Variants in FHIT observed in about 807,000 individuals in gnomAD.
FHIT encodes the protein bis(5'-adenosyl)-triphosphatase.
Under a neutral mutation model 17.9 loss-of-function variants are expected in FHIT, and 19 were observed. The ratio of observed to expected loss-of-function variants is 1.06; its 90% CI spans 0.74 to 1.56. The LOEUF (loss-of-function observed/expected upper bound fraction) is 1.56, where lower values mean the gene tolerates loss of function less well. FHIT is among the 40% of genes most tolerant of loss of function. The pLI is 0.00. For missense variants in FHIT, 248 were observed against 189.2 expected, an observed-to-expected ratio of 1.31 and a Z score of -1.82; for synonymous variants, 81 against 69.7, an observed-to-expected ratio of 1.16 and a Z score of -0.81.
intron 3 of FHIT, among the ~76,000 whole-genome samples, chr3:60,930,523 A>T (rs1707892429): frequency 6.6e-6 from 1 of 152,200 alleles, no homozygotes; most frequent in South Asian, 2.1e-4. Context: ...TTACAAGAAA[A>T]AACAAACAAC....
intron 7 of FHIT, among the ~76,000 whole-genome samples, chr3:59,981,761 C>T (rs796926990): frequency 4.6e-5 from 7 of 152,152 alleles, no homozygotes; most frequent in African/African-American, 1.7e-4. Context: ...TGAAATGAGG[C>T]AAATATGCCA....
intron 5 of FHIT, among the ~76,000 whole-genome samples, chr3:60,348,443 GTT>G (rs150527722): frequency 6.7e-6 from 1 of 150,202 alleles, no homozygotes; most frequent in Admixed American, 6.6e-5. Context: ...TTATTTTTGG[GTT>G]TTTTTTTCAC....
At chr3:60,563,343 G>C (rs1035229461) in intron 4 of FHIT, among the ~76,000 whole-genome samples, 1 of 152,188 alleles carries the variant, frequency 6.6e-6, no homozygotes, top group African/African-American at 2.4e-5. Flanking sequence ...TCATTTCACT[G>C]CATTTTGCTT....
intron 8 of FHIT, among the ~76,000 whole-genome samples, chr3:59,911,508 G>T (rs1211037209): frequency 6.6e-6 from 1 of 152,174 alleles, no homozygotes; most frequent in Non-Finnish European, 1.5e-5. Flanking sequence ...GGAGATTCCA[G>T]AAACGGGTAC....
intron 5 of FHIT, among the ~76,000 whole-genome samples, chr3:60,124,186 G>A (rs1705434304): frequency 6.6e-6 from 1 of 150,510 alleles, no homozygotes; most frequent in Non-Finnish European, 1.5e-5. Flanking sequence ...CTAAAGCACT[G>A]GGATTACAGG....
At chr3:60,511,094 T>C (rs2034935013) in intron 5 of FHIT, among the ~76,000 whole-genome samples, 1 of 152,162 alleles carries the variant, frequency 6.6e-6, no homozygotes, top group African/African-American at 2.4e-5. Context: ...ATCATCAGAA[T>C]GCCTAGGTGT....
At chr3:60,885,957 CT>C (rs1705203544) in intron 3 of FHIT, among the ~76,000 whole-genome samples, 1 of 85,728 alleles carries the variant, frequency 1.2e-5, no homozygotes, top group African/African-American at 6.6e-5. Flanking sequence ...TTATTTCCCC[CT>C]CTCCCAAATA....
chr3:60,240,348 A>C (rs759241154), intron 5 of FHIT, among the ~76,000 whole-genome samples: 1 of 152,240 alleles, frequency 6.6e-6, no homozygotes, highest in Non-Finnish European at 1.5e-5. Context: ...ATTAAGCTAC[A>C]GCTTGCAATT....
intron 5 of FHIT, among the ~76,000 whole-genome samples, chr3:60,505,645 T>C (rs987926281): frequency 1.4e-4 from 22 of 152,288 alleles, no homozygotes; most frequent in African/African-American, 5.1e-4. Flanking sequence ...AATCAGACTA[T>C]GAATTGGGAA....
At chr3:59,979,634 T>C (rs1387240709) in intron 7 of FHIT, among the ~76,000 whole-genome samples, 1 of 152,132 alleles carries the variant, frequency 6.6e-6, no homozygotes, top group Non-Finnish European at 1.5e-5. Context: ...ACGTGTACGC[T>C]GTCATGGAAC....
chr3:60,609,033 A>G (rs1258963259), intron 4 of FHIT, among the ~76,000 whole-genome samples: 1 of 152,062 alleles, frequency 6.6e-6, no homozygotes, highest in Non-Finnish European at 1.5e-5. Context: ...AAAAAAAAAA[A>G]AAAAGTATAT....
At chr3:60,156,796 A>G (rs987903637) in intron 5 of FHIT, among the ~76,000 whole-genome samples, 1 of 152,184 alleles carries the variant, frequency 6.6e-6, no homozygotes, top group African/African-American at 2.4e-5. Context: ...TTTTATTTCA[A>G]TAATGCCAAT....
intron 5 of FHIT, among the ~76,000 whole-genome samples, chr3:60,430,140 C>A (rs1395938193): frequency 6.6e-6 from 1 of 151,938 alleles, no homozygotes; most frequent in Non-Finnish European, 1.5e-5. Context: ...TGCAGATTTG[C>A]AGTATTAAAA....
chr3:60,307,884 A>C (rs1430934848), intron 5 of FHIT, among the ~76,000 whole-genome samples: 1 of 152,000 alleles, frequency 6.6e-6, no homozygotes, highest in African/African-American at 2.4e-5. Context: ...GGTTCGGCAC[A>C]CACGTGTACT....
chr3:60,589,891 A>G (rs1252059099), intron 4 of FHIT, among the ~76,000 whole-genome samples: 2 of 151,948 alleles, frequency 1.3e-5, no homozygotes, highest in East Asian at 1.9e-4. Context: ...TTGGCATTCT[A>G]ATTTATCATC....
chr3:60,036,385 G>A (rs541551424), intron 5 of FHIT, among the ~76,000 whole-genome samples: 14 of 152,218 alleles, frequency 9.2e-5, no homozygotes, highest in African/African-American at 3.1e-4. Flanking sequence ...TCTGAGAACC[G>A]TGTCTCTATT....
intron 5 of FHIT, among the ~76,000 whole-genome samples, chr3:60,524,243 CACACAA>C (rs1461429350): frequency 7.3e-5 from 6 of 81,736 alleles, no homozygotes; most frequent in Admixed American, 1.4e-4. Flanking sequence ...CACACACACA[CACACAA>C]ATAAATTATA....
chr3:60,929,918 CA>C (rs782187922), intron 3 of FHIT, among the ~76,000 whole-genome samples: 48 of 152,210 alleles, frequency 3.2e-4, no homozygotes, highest in Non-Finnish European at 5.6e-4. Context: ...AATCCTAAGC[CA>C]AAAGAACAAA....
chr3:59,991,292 T>A (rs1258842122), intron 7 of FHIT, among the ~76,000 whole-genome samples: 1 of 152,054 alleles, frequency 6.6e-6, no homozygotes, highest in African/African-American at 2.4e-5. Context: ...ATATAGACTT[T>A]TAGTGATATT....
Sources: gnomAD v4.1 joint callset for allele counts (sites outside exome capture counted in the v4.1 genomes callset) on GRCh38, gnomAD v4.1.1 for gene constraint, MANE v1.5 for transcripts, NCBI Gene and HGNC (gene_info 2026-07-23, HGNC 2026-07-21) for gene names.